Variants in MEP1A observed in about 807,000 individuals in gnomAD.
MEP1A encodes the protein meprin A subunit alpha, also known as N-benzoyl-L-tyrosyl-P-amino-benzoic acid hydrolase subunit alpha.
MEP1A carries 68 observed loss-of-function variants against 84.5 expected under a neutral mutation model. The observed-to-expected ratio is 0.80, with a 90% confidence interval of 0.66 to 0.98. The LOEUF is 0.98. MEP1A is among the 50% of genes least tolerant of loss of function. The pLI is 0.00. For synonymous variants in MEP1A, 337 were observed against 336.8 expected (o/e 1.00, Z -0.01); for missense variants, 887 against 919.9 (o/e 0.96, Z 0.46).
At chr6:46,814,861 G>A (rs1218998917) in intron 6 of MEP1A, among the ~76,000 whole-genome samples, 3 of 136,482 alleles carry the variant, frequency 2.2e-5, no homozygotes, top group Non-Finnish European at 5.1e-5. Context: ...CTCTGGGCTG[G>A]TACTGAGGAG....
At chr6:46,836,544 A>C (rs552544907) in intron 13 of MEP1A, among the ~76,000 whole-genome samples, 2 of 152,354 alleles carry the variant, frequency 1.3e-5, no homozygotes, top group African/African-American at 4.8e-5. Context: ...TATTACACAA[A>C]CCATAGTACA....
chr6:46,815,277 G>A (rs1425492303), intron 6 of MEP1A, among the ~76,000 whole-genome samples: 1 of 152,176 alleles, frequency 6.6e-6, no homozygotes, highest in Admixed American at 6.5e-5. Flanking sequence ...CTGTTGTGGG[G>A]AATGGGGGTG....
At chr6:46,807,507 T>TGAAAGAAAGAAAGAAAGAAA (rs1562106532) in intron 5 of MEP1A, among the ~76,000 whole-genome samples, 3 of 74,530 alleles carry the variant, frequency 4.0e-5, no homozygotes, top group African/African-American at 1.0e-4. Flanking sequence ...GACCCCCATC[T>TGAAAGAAAGAAAGAAAGAAA]GAAATAAAGA....
chr6:46,799,863 A>G (rs1203869548), intron 5 of MEP1A, among the ~76,000 whole-genome samples: 1 of 152,174 alleles, frequency 6.6e-6, no homozygotes, highest in African/African-American at 2.4e-5. Flanking sequence ...ATGATGACTC[A>G]ATGTCTGCAA....
At chr6:46,805,566 T>C (rs1349028146) in intron 5 of MEP1A, among the ~76,000 whole-genome samples, 1 of 151,978 alleles carries the variant, frequency 6.6e-6, no homozygotes, top group African/African-American at 2.4e-5. Context: ...ATATATATTT[T>C]GCAAATATTT....
intron 13 of MEP1A, 46 bp downstream of exon 13, chr6:46,835,595 C>G (rs765997599): frequency 3.1e-6 from 5 of 1,592,248 alleles, no homozygotes; most frequent in Non-Finnish European, 3.4e-6. Flanking sequence ...AGACCTGGGC[C>G]GTGTGCATGC....
At chr6:46,807,919 A>G (rs1314901828) in intron 5 of MEP1A, among the ~76,000 whole-genome samples, 1 of 152,058 alleles carries the variant, frequency 6.6e-6, no homozygotes, top group Non-Finnish European at 1.5e-5. Context: ...TGGAGAAGAG[A>G]AAGACTTCAA....
At chr6:46,801,891 C>T (rs1421376) in intron 5 of MEP1A, among the ~76,000 whole-genome samples, 102,110 of 151,804 alleles carry the variant, frequency 0.67, 34,868 homozygotes, top group African/African-American at 0.77. Flanking sequence ...GCAAGAGTCT[C>T]GTTTGCCAAG....
chr6:46,829,275 C>A, intron 9 of MEP1A, 81 bp from the exon 10 acceptor site: 1 of 1,128,524 alleles, frequency 8.9e-7, no homozygotes, highest in Non-Finnish European at 1.3e-6. Flanking sequence ...GGCTGTGGTT[C>A]ACTATTTCAC....
At chr6:46,827,054 A>G (rs1190411504) in intron 9 of MEP1A, among the ~76,000 whole-genome samples, 2 of 152,242 alleles carry the variant, frequency 1.3e-5, no homozygotes, top group Non-Finnish European at 2.9e-5. Context: ...TTTTACTCCT[A>G]CAGTACATCT....
At chr6:46,810,091 A>T (rs1767458858) in intron 6 of MEP1A, among the ~76,000 whole-genome samples, 1 of 152,008 alleles carries the variant, frequency 6.6e-6, no homozygotes, top group Non-Finnish European at 1.5e-5. Flanking sequence ...ACAGTGTAAA[A>T]GTGTTCCCTT....
At chr6:46,837,601 C>A (rs1243165723) in intron 13 of MEP1A, among the ~76,000 whole-genome samples, 1 of 152,198 alleles carries the variant, frequency 6.6e-6, no homozygotes. Flanking sequence ...GTGTCCCCAA[C>A]AGGCTTCATC....
intron 3 of MEP1A, among the ~76,000 whole-genome samples, chr6:46,797,780 CTTTCTTTCTTTCTCTT>C (rs1255798625): frequency 2.6e-4 from 37 of 142,608 alleles, no homozygotes; most frequent in African/African-American, 1.0e-3. Context: ...CTTTTTCTTT[CTTTCTTTCTTTCTCTT>C]TCTTTCTTTC....
At chr6:46,835,943 A>T (rs1188073569) in intron 13 of MEP1A, among the ~76,000 whole-genome samples, 3 of 152,214 alleles carry the variant, frequency 2.0e-5, no homozygotes, top group Non-Finnish European at 4.4e-5. Flanking sequence ...CCTAATTATT[A>T]TTAGTTCTAT....
chr6:46,807,858 A>G (rs1007053897), intron 5 of MEP1A, among the ~76,000 whole-genome samples: 1 of 152,042 alleles, frequency 6.6e-6, no homozygotes, highest in African/African-American at 2.4e-5. Context: ...GAAATAAATC[A>G]GTCAAATGTG....
intron 7 of MEP1A, among the ~76,000 whole-genome samples, chr6:46,824,607 TA>T (rs1767861476): frequency 7.4e-6 from 1 of 135,312 alleles, no homozygotes; most frequent in African/African-American, 2.8e-5. Context: ...TAAATAGATG[TA>T]TTTAAATATA....
chr6:46,824,028 C>T (rs1767842840), intron 7 of MEP1A, among the ~76,000 whole-genome samples: 1 of 152,284 alleles, frequency 6.6e-6, no homozygotes, highest in African/African-American at 2.4e-5. Context: ...TTGCTTTCAG[C>T]TGCTTACCTT....
At position 46,810,618 on chromosome 6, in the gene MEP1A, T is replaced by A. The variant is rs187337985; in HGVS notation, c.380+1081T>A. On this transcript the variant is annotated intron_variant, in intron 6 of 13. Coordinates refer to ENST00000230588, the MANE Select transcript of MEP1A (RefSeq NM_005588.3). ...GGTTCAGGTCTTAGATTTAAGTCTT[T>A]GATCCATCTTGAGTTGATTTCTGTA... 2.2e-4 allele frequency among the ~76,000 whole-genome samples: 33 copies of A among 152,318 alleles called. No individual in the cohort carries two copies. In the East Asian group the frequency reaches 6.4e-3, roughly 29 times the overall value.
intron 5 of MEP1A, among the ~76,000 whole-genome samples, chr6:46,807,797 AAG>A (rs1436164586): frequency 6.9e-6 from 1 of 145,476 alleles, no homozygotes. Context: ...GAAAGAAAGA[AAG>A]AAAGAAAGAA....
Sources: allele counts gnomAD v4.1 joint callset (sites outside exome capture counted in the v4.1 genomes callset), GRCh38; gene constraint gnomAD v4.1.1; transcripts MANE v1.5; gene names NCBI Gene and HGNC (gene_info 2026-07-23, HGNC 2026-07-21).